ARHGAP22: variants seen among roughly 807,000 people sequenced by gnomAD.
ARHGAP22 encodes Rho GTPase activating protein 22, also known as rho GTPase-activating protein 22.
Under a neutral mutation model 59.1 loss-of-function variants are expected in ARHGAP22, and 48 were observed. That is an observed-to-expected ratio of 0.81 (90% CI 0.64 to 1.03). ARHGAP22 has a LOEUF of 1.03. Ranked by LOEUF, ARHGAP22 falls within the 50% of genes least tolerant of loss-of-function variation. The pLI is 0.00. For missense variants in ARHGAP22, 1,015 were observed against 958.7 expected, an observed-to-expected ratio of 1.06 and a Z score of -0.78; for synonymous variants, 445 against 416.4, an observed-to-expected ratio of 1.07 and a Z score of -0.84.
At chr10:48,522,591 C>T (rs972783639) in intron 3 of ARHGAP22, among the ~76,000 whole-genome samples, 1 of 152,306 alleles carries the variant, frequency 6.6e-6, no homozygotes, top group South Asian at 2.1e-4. Context: ...CAGGCCCTGG[C>T]GGGGGTGAAA....
At chr10:48,514,487 T>C (rs1319504086) in intron 3 of ARHGAP22, among the ~76,000 whole-genome samples, 4 of 152,112 alleles carry the variant, frequency 2.6e-5, no homozygotes, top group Admixed American at 2.0e-4. Flanking sequence ...GAATTCTATA[T>C]CCAGCAAAAC....
chr10:48,551,224 C>T (rs949007338), intron 3 of ARHGAP22, among the ~76,000 whole-genome samples: 37 of 152,332 alleles, frequency 2.4e-4, no homozygotes, highest in Non-Finnish European at 7.4e-5. Context: ...ATCTGTTGTG[C>T]GTTCTGACCT....
chr10:48,476,207 G>A (rs918684078), intron 4 of ARHGAP22, among the ~76,000 whole-genome samples: 2 of 152,224 alleles, frequency 1.3e-5, no homozygotes, highest in South Asian at 4.1e-4. Flanking sequence ...ATTGCAGGTT[G>A]GCTGAATGAC....
chr10:48,457,236 C>G (rs534068199), intron 5 of ARHGAP22, among the ~76,000 whole-genome samples: 1 of 152,150 alleles, frequency 6.6e-6, no homozygotes, highest in African/African-American at 2.4e-5. Context: ...GGTCCTGACT[C>G]GCCTCACTCC....
chr10:48,594,264 T>C (rs2059935717), intron 1 of ARHGAP22, among the ~76,000 whole-genome samples: 1 of 152,214 alleles, frequency 6.6e-6, no homozygotes, highest in Non-Finnish European at 1.5e-5. Context: ...CAAGCCTATC[T>C]GTGGTCCTCC....
chr10:48,435,052 G>GGGGTGTTTTTTTT, the ARHGAP22 span: 1 of 1,412,462 alleles, frequency 7.1e-7, no homozygotes. Flanking sequence ...TCGGGGGGTG[G>GGGGTGTTTTTTTT]GAGGGATGGG....
chr10:48,615,815 T>C (rs4558090), intron 1 of ARHGAP22, among the ~76,000 whole-genome samples: 56,839 of 151,808 alleles, frequency 0.37, 11,556 homozygotes, highest in African/African-American at 0.55. Context: ...AAAGACCAAA[T>C]AGAAATTTAA....
At chr10:48,530,284 C>CTTAA (rs1375759367) in intron 3 of ARHGAP22, among the ~76,000 whole-genome samples, 1 of 133,444 alleles carries the variant, frequency 7.5e-6, no homozygotes, top group Non-Finnish European at 1.6e-5. Context: ...GGATCAAAGA[C>CTTAA]TTAAACCTAA....
upstream of ARHGAP22, among the ~76,000 whole-genome samples, chr10:48,605,936 A>T (rs1239830860): frequency 6.6e-6 from 1 of 152,140 alleles, no homozygotes; most frequent in African/African-American, 2.4e-5. Flanking sequence ...CTGCTCTGTG[A>T]TGCCAGCCTC....
At chr10:48,642,328 C>T (rs1343574957) in intron 1 of ARHGAP22, among the ~76,000 whole-genome samples, 1 of 152,224 alleles carries the variant, frequency 6.6e-6, no homozygotes, top group Non-Finnish European at 1.5e-5. Flanking sequence ...CGCTACCTGA[C>T]TTCAAACTAT....
chr10:48,460,039 G>T, intron 4 of ARHGAP22, 148 bp from the exon 5 acceptor site: 3 of 836,924 alleles, frequency 3.6e-6, no homozygotes, highest in Non-Finnish European at 5.5e-6. Flanking sequence ...ATACCAGAAG[G>T]CTGTGCCCTG....
At chr10:48,493,309 T>G in intron 3 of ARHGAP22, 38 of 995,360 alleles carry the variant, frequency 3.8e-5, no homozygotes, top group Non-Finnish European at 5.0e-5. Flanking sequence ...CCAGTCTTCA[T>G]TCATGTCTTT....
At chr10:48,611,887 CCGTCCCCTTCA>C (rs1564998157) in intron 1 of ARHGAP22, among the ~76,000 whole-genome samples, 3 of 33,986 alleles carry the variant, frequency 8.8e-5, no homozygotes, top group South Asian at 1.4e-3. Flanking sequence ...CCCTCCCCTC[CCGTCCCCTTCA>C]CTTTCCTTCT....
rs530381148 is a variant in ARHGAP22 at position 48,582,208 on chromosome 10, T to C, written c.234+745A>G. On this transcript the variant is annotated intron_variant, in intron 2 of 9. Coordinates refer to ENST00000249601, the MANE Select transcript of ARHGAP22 (RefSeq NM_021226.4). ...AACAGGGGATCTGCCCTCTCTGACT[T>C]GGACCCATGACTAGAAGCAGCTTTT... 4.3e-4 allele frequency among the ~76,000 whole-genome samples: 65 copies of C among 152,314 alleles called. 1 individual carries two copies. The highest frequency in any genetic ancestry group is 1.5e-3 in the African/African-American group (64 of 41,562).
chr10:48,616,926 A>C (rs2061102932), intron 1 of ARHGAP22, among the ~76,000 whole-genome samples: 1 of 152,082 alleles, frequency 6.6e-6, no homozygotes, highest in Non-Finnish European at 1.5e-5. Flanking sequence ...ATATAGGCAA[A>C]TACGTAATTA....
At chr10:48,456,457 C>A (rs2133716478) in intron 5 of ARHGAP22, among the ~76,000 whole-genome samples, 1 of 152,316 alleles carries the variant, frequency 6.6e-6, no homozygotes, top group South Asian at 2.1e-4. Context: ...CTATCACACC[C>A]TCCTCGGCCT....
intron 1 of ARHGAP22, among the ~76,000 whole-genome samples, chr10:48,613,888 C>T (rs763573369): frequency 1.3e-5 from 2 of 152,192 alleles, no homozygotes; most frequent in African/African-American, 4.8e-5. Context: ...ACATTGCCCT[C>T]ATGAACGAAT....
intron 1 of ARHGAP22, among the ~76,000 whole-genome samples, chr10:48,627,093 G>A (rs1327201868): frequency 6.6e-6 from 1 of 152,166 alleles, no homozygotes; most frequent in Non-Finnish European, 1.5e-5. Flanking sequence ...TCTGGGAGCG[G>A]GTTGTGCATG....
At chr10:48,611,430 G>A (rs1355029061) in intron 1 of ARHGAP22, among the ~76,000 whole-genome samples, 4 of 152,128 alleles carry the variant, frequency 2.6e-5, no homozygotes, top group African/African-American at 9.7e-5. Flanking sequence ...AAGGGGGGAG[G>A]TCGCTGCATC....
Sources: allele counts gnomAD v4.1 joint callset (sites outside exome capture counted in the v4.1 genomes callset), GRCh38; gene constraint gnomAD v4.1.1; transcripts MANE v1.5; gene names NCBI Gene and HGNC (gene_info 2026-07-23, HGNC 2026-07-21).